Variants in SNTA1 observed in about 807,000 individuals in gnomAD.
SNTA1 encodes syntrophin alpha 1.
SNTA1 carries 31 observed loss-of-function variants against 47.1 expected under a neutral mutation model. The ratio of observed to expected loss-of-function variants is 0.66; its 90% CI spans 0.49 to 0.89. The LOEUF is 0.89. Ranked by LOEUF, SNTA1 falls within the 40% of genes least tolerant of loss-of-function variation. The pLI is 0.00. For missense variants in SNTA1, 575 were observed against 693.0 expected (o/e 0.83, Z 1.91); for synonymous variants, 300 against 313.6 (o/e 0.96, Z 0.46).
chr20:33,423,386 G>A (rs542451936), intron 2 of SNTA1, among the ~76,000 whole-genome samples: 1 of 152,316 alleles, frequency 6.6e-6, no homozygotes, highest in East Asian at 1.9e-4. Flanking sequence ...GGCTGCCAAA[G>A]CCTATGGCCT....
At chr20:33,415,704 T>C (rs999516190) in intron 3 of SNTA1, among the ~76,000 whole-genome samples, 3 of 151,558 alleles carry the variant, frequency 2.0e-5, no homozygotes, top group African/African-American at 7.3e-5. Flanking sequence ...GGCAGGAGAA[T>C]TGCCTGAACC....
In SNTA1 at chr20:33,408,064, G is replaced by A. The variant is rs1304162850; in HGVS notation, c.*443C>T. The A allele has an allele frequency of 4.1e-6, 1 of 246,034 alleles. No homozygotes were observed. The highest frequency in any genetic ancestry group is 8.1e-6 in the Non-Finnish European group (1 of 122,796). The allele number at this position is 246,034 out of a possible 1,614,324, so 15.2% of individuals were successfully genotyped here. ...CCAGACTCCCCACGGTGGCAGGGCT[G>A]AGGGGAAAAACAAACAGAAAATCTC... On this transcript the variant is annotated 3_prime_UTR_variant, in exon 8 of 8. Transcript: ENST00000217381.
chr20:33,413,215 G>A (rs990826234), intron 3 of SNTA1, among the ~76,000 whole-genome samples: 4 of 151,924 alleles, frequency 2.6e-5, no homozygotes, highest in African/African-American at 4.8e-5. Context: ...GGATGGTCTC[G>A]ATCTCCTGAC....
chr20:33,413,779 A>AT (rs562716760), intron 3 of SNTA1, among the ~76,000 whole-genome samples: 3 of 150,788 alleles, frequency 2.0e-5, no homozygotes, highest in Non-Finnish European at 3.0e-5. Flanking sequence ...AGAAAAAAAA[A>AT]TTTTTTTTTT....
intron 2 of SNTA1, among the ~76,000 whole-genome samples, chr20:33,438,566 T>A (rs937991370): frequency 2.0e-5 from 3 of 152,106 alleles, no homozygotes; most frequent in Non-Finnish European, 2.9e-5. Flanking sequence ...ATGAGGAAAC[T>A]AAGGATCAGG....
intron 3 of SNTA1, among the ~76,000 whole-genome samples, chr20:33,413,029 GA>G (rs888675612): frequency 2.0e-5 from 3 of 152,148 alleles, no homozygotes; most frequent in African/African-American, 7.2e-5. Flanking sequence ...TGTTGTTTTT[GA>G]AACAGAGCCT....
rs1234217932 is a variant in SNTA1, at chr20:33,443,550, C to T, written c.71G>A (p.Gly24Asp). Reference sequence around the variant, plus strand: ...CAGCACCCGCTGCCATCGCTCGCCGCCGGCCCCCGAGCCCGCCCCGGCGCG... The same window carrying T: ...CAGCACCCGCTGCCATCGCTCGCCGTCGGCCCCCGAGCCCGCCCCGGCGCG... The part of the protein sequence containing the change: ...ELRAGAGSGA[G>D]GERWQRVLLS... The change falls in exon 1 of 8, where the codon GGC (glycine) becomes GAC (aspartate). Residue 24 changes from glycine to aspartate, a missense_variant. Transcript: ENST00000217381. 1.5e-6 allele frequency: 2 copies of T among 1,337,768 alleles called. No homozygotes were observed. Among genetic ancestry groups the T allele is most frequent in the Admixed American group, 5.4e-5 (2 of 37,190 alleles). The allele number at this position is 1,337,768 out of a possible 1,614,324, so 82.9% of individuals were successfully genotyped here.
rs1568759468 is a variant in SNTA1, at chr20:33,433,268, TTC to T, written c.496+5571_496+5572del. ...TTGTTTTTTGTCGGGTTTTTCTTTTTTCTTTTTTTTTTGAGATGGAGTTTTGC... is the reference window on the plus strand; with the variant it reads ...TTGTTTTTTGTCGGGTTTTTCTTTTTTTTTTTTTTTGAGATGGAGTTTTGC... On this transcript the variant is annotated intron_variant, in intron 2 of 7. Coordinates refer to ENST00000217381, the MANE Select transcript of SNTA1 (RefSeq NM_003098.3). 1.1e-4 allele frequency among the ~76,000 whole-genome samples: 17 copies of T among 149,576 alleles called. 3 individuals carry two copies. The highest frequency in any genetic ancestry group is 2.7e-4 in the Admixed American group (4 of 15,018).
At position 33,408,844 on chromosome 20, in the gene SNTA1, C is replaced by G. The variant is rs773499608; in HGVS notation, c.1282G>C (p.Asp428His). The G allele has an allele frequency of 6.2e-7, 1 of 1,614,056 alleles. No homozygotes were observed. The highest frequency in any genetic ancestry group is 8.5e-7 in the Non-Finnish European group (1 of 1,180,050). Residue 428 changes from aspartate (D) to histidine (H), a missense_variant, in exon 7 of 8, where the codon GAC becomes CAC. Physicochemically the swap from Asp to His is moderately conservative, Grantham distance 81. Transcript: ENST00000217381. ...GRPCSLSVHIDKGFTLWAAEP... is the reference protein window; with the variant it reads ...GRPCSLSVHIHKGFTLWAAEP... The stretch of plus-strand genomic sequence containing the variant: ...GCCGCCCACAGTGTGAAGCCCTTGT[C>G]GATGTGCACAGACAGGCTGCAGGGA...
chr20:33,432,570 G>A (rs1028938055), intron 2 of SNTA1, among the ~76,000 whole-genome samples: 11 of 152,158 alleles, frequency 7.2e-5, no homozygotes, highest in Non-Finnish European at 1.3e-4. Context: ...ACAGCTTCCA[G>A]TTTACTAAAG....
chr20:33,440,816 A>T lies in SNTA1; in HGVS notation c.311-1790T>A, dbSNP rs765000190. ...CTGGGCAACAGAGCAAGACTGTCTC[A>T]CACACACACACAAAAAGGCAACAAT... On this transcript the variant is annotated intron_variant, in intron 1 of 7. Coordinates refer to ENST00000217381, the MANE Select transcript of SNTA1 (RefSeq NM_003098.3). Among the ~76,000 whole-genome samples, 4 of 152,168 alleles carry T rather than the reference A, an allele frequency of 2.6e-5. No homozygotes were observed. The East Asian group carries it at 7.7e-4, about 29-fold the overall frequency.
intron 2 of SNTA1, among the ~76,000 whole-genome samples, chr20:33,426,125 G>A (rs1912225559): frequency 1.3e-5 from 2 of 151,650 alleles, no homozygotes; most frequent in Admixed American, 6.6e-5. Flanking sequence ...AAAAATAGAA[G>A]TAAAATATAT....
At chr20:33,413,156 A>G (rs1035325226) in intron 3 of SNTA1, among the ~76,000 whole-genome samples, 2 of 151,912 alleles carry the variant, frequency 1.3e-5, no homozygotes, top group Admixed American at 1.3e-4. Context: ...CACCACACCC[A>G]TATAATTTTT....
At chr20:33,411,920 C>T (rs551208928) in intron 5 of SNTA1, among the ~76,000 whole-genome samples, 9 of 152,316 alleles carry the variant, frequency 5.9e-5, no homozygotes, top group African/African-American at 2.2e-4. Context: ...TGAAGCCTTC[C>T]TCTACTACCC....
At position 33,431,620 on chromosome 20, in the gene SNTA1, G is replaced by A. The variant is rs60512414; in HGVS notation, c.496+7221C>T. 6.0e-3 allele frequency among the ~76,000 whole-genome samples: 908 copies of A among 151,560 alleles called. 13 individuals are homozygous for A. Among genetic ancestry groups the A allele is most frequent in the African/African-American group, 0.021 (858 of 41,280 alleles). On this transcript the variant is annotated intron_variant, in intron 2 of 7. Coordinates refer to ENST00000217381, the MANE Select transcript of SNTA1 (RefSeq NM_003098.3). ...AAAAATTAGCCAGGCATGGTGGCACGCGCCTGTAGTCCCAGCTACTCGGGA... is the reference window on the plus strand; with the variant it reads ...AAAAATTAGCCAGGCATGGTGGCACACGCCTGTAGTCCCAGCTACTCGGGA...
intron 2 of SNTA1, among the ~76,000 whole-genome samples, chr20:33,437,874 C>T (rs1341223370): frequency 6.6e-6 from 1 of 152,224 alleles, no homozygotes; most frequent in Admixed American, 6.5e-5. Flanking sequence ...ATGGGGAAAC[C>T]GAGGCCCACA....
intron 2 of SNTA1, among the ~76,000 whole-genome samples, chr20:33,418,880 A>G (rs568866418): frequency 6.6e-6 from 1 of 151,114 alleles, no homozygotes; most frequent in East Asian, 1.9e-4. Context: ...TGGGAGGCCA[A>G]GGCAGTGTGG....
At chr20:33,426,536 C>T (rs1195159253) in intron 2 of SNTA1, among the ~76,000 whole-genome samples, 5 of 150,978 alleles carry the variant, frequency 3.3e-5, no homozygotes, top group Non-Finnish European at 7.4e-5. Context: ...CCGAGGCGGG[C>T]GGATCACTTG....
intron 4 of SNTA1, 57 bp from the exon 5 acceptor site, chr20:33,412,483 G>A: frequency 6.2e-7 from 1 of 1,605,958 alleles, no homozygotes; most frequent in Admixed American, 1.7e-5. Context: ...CAGAGGGCCA[G>A]GGCAGGGTGA....
Sources: gnomAD v4.1 joint callset for allele counts (sites outside exome capture counted in the v4.1 genomes callset) on GRCh38, gnomAD v4.1.1 for gene constraint, MANE v1.5 for transcripts, NCBI Gene and HGNC (gene_info 2026-07-23, HGNC 2026-07-21) for gene names.